The following CFAP20DC variants were observed in gnomAD, a reference collection of about 807,000 sequenced individuals.
The protein encoded by CFAP20DC is CFAP20 domain containing, also known as protein CFAP20DC.
A neutral mutation model predicts 101.7 loss-of-function variants in CFAP20DC; 84 were observed. The ratio of observed to expected loss-of-function variants is 0.83; its 90% CI spans 0.69 to 0.99. The LOEUF is 0.99. Ranked by LOEUF, CFAP20DC falls within the 50% of genes least tolerant of loss-of-function variation. CFAP20DC has a pLI of 0.00. For synonymous variants in CFAP20DC, 359 were observed against 351.2 expected, an observed-to-expected ratio of 1.02 and a Z score of -0.25; for missense variants, 1,007 against 970.3, an observed-to-expected ratio of 1.04 and a Z score of -0.50.
chr3:58,937,654 A>G lies in CFAP20DC; in HGVS notation c.387T>C (p.Arg129=), dbSNP rs749927587. The G allele has an allele frequency of 1.3e-6, 2 of 1,578,750 alleles. No individual in the cohort carries two copies. The highest frequency in any genetic ancestry group is 4.5e-5 in the East Asian group (2 of 44,650). Reference sequence around the variant, plus strand: ...ACATTCATGTGATACTTACAATTTTACGTTTGATCATGAAGAGTGGAATTT... The same window carrying G: ...ACATTCATGTGATACTTACAATTTTGCGTTTGATCATGAAGAGTGGAATTT... ...HAKIPLFMIK[R]KIWCNLCIDL... Residue 129 remains arginine, a synonymous_variant, in exon 5 of 17, where the codon CGT becomes CGC. Coordinates refer to ENST00000482387, the MANE Select transcript of CFAP20DC (RefSeq NM_001394063.1).
At position 58,882,641 on chromosome 3, in the gene CFAP20DC, T is replaced by C. The variant is rs745602767; in HGVS notation, c.715+1904A>G. Among the ~76,000 whole-genome samples the C allele has an allele frequency of 3.9e-5, 6 of 152,218 alleles. No homozygotes were observed. The highest frequency in any genetic ancestry group is 4.4e-5 in the Non-Finnish European group (3 of 68,038). ...ACCCAAAGTGTTTACAGTAGCTGTC[T>C]GGGTAGTCAGATCTTTTTAATCCTT... On this transcript the variant is annotated intron_variant, in intron 7 of 16. Transcript: ENST00000482387. The surrounding 1 kb of genome is among the most constrained non-coding windows in gnomAD (Gnocchi z 4.2).
chr3:58,784,132 A>G (rs1246464259), intron 15 of CFAP20DC, among the ~76,000 whole-genome samples: 2 of 151,344 alleles, frequency 1.3e-5, no homozygotes, highest in African/African-American at 4.9e-5. Context: ...TTTTATGTCC[A>G]TGGGTATCCA....
intron 3 of CFAP20DC, among the ~76,000 whole-genome samples, chr3:58,735,430 A>G (rs552735243): frequency 6.6e-6 from 1 of 152,362 alleles, no homozygotes; most frequent in African/African-American, 2.4e-5. Context: ...AATGAAATCC[A>G]TCAAGTGATG....
intron 5 of CFAP20DC, among the ~76,000 whole-genome samples, chr3:58,930,220 C>G (rs375328816): frequency 1.4e-3 from 208 of 152,268 alleles, no homozygotes; most frequent in African/African-American, 4.7e-3. Context: ...GCTTCACATC[C>G]ATTCCTCCAC....
chr3:59,004,886 C>A (rs1165262971), intron 4 of CFAP20DC, among the ~76,000 whole-genome samples: 1 of 152,166 alleles, frequency 6.6e-6, no homozygotes, highest in Non-Finnish European at 1.5e-5. Context: ...ACATCTAGTT[C>A]TAGGCCAGAG....
chr3:58,815,342 T>C (rs1315227484), intron 14 of CFAP20DC, among the ~76,000 whole-genome samples: 12 of 147,560 alleles, frequency 8.1e-5, no homozygotes, highest in Middle Eastern at 3.6e-3. Flanking sequence ...CCTTACACCT[T>C]ATACAAAAAT....
intron 6 of CFAP20DC, among the ~76,000 whole-genome samples, chr3:58,907,956 C>T (rs553753815): frequency 6.6e-6 from 1 of 152,148 alleles, no homozygotes; most frequent in African/African-American, 2.4e-5. Flanking sequence ...GGTTTCTTTT[C>T]AGGCCTTCCA....
intron 6 of CFAP20DC, among the ~76,000 whole-genome samples, chr3:58,896,672 T>C (rs370789727): frequency 1.3e-5 from 2 of 152,234 alleles, no homozygotes; most frequent in East Asian, 3.8e-4. Flanking sequence ...GGTTGTTCAA[T>C]TTCCAAGTAC....
chr3:58,981,030 G>A (rs1021123874), intron 4 of CFAP20DC, among the ~76,000 whole-genome samples: 6 of 152,166 alleles, frequency 3.9e-5, no homozygotes, highest in Admixed American at 6.5e-5. Flanking sequence ...AAATCAATGT[G>A]CAAAAATCAC....
At chr3:58,878,392 A>G (rs2080936452) in intron 7 of CFAP20DC, among the ~76,000 whole-genome samples, 1 of 152,210 alleles carries the variant, frequency 6.6e-6, no homozygotes, top group Admixed American at 6.5e-5. Context: ...AAGTTAGGAT[A>G]TTTAGACAAG....
intron 14 of CFAP20DC, among the ~76,000 whole-genome samples, chr3:58,822,139 C>A (rs1385406441): frequency 1.2e-5 from 1 of 81,402 alleles, no homozygotes; most frequent in Admixed American, 1.9e-4. Flanking sequence ...ACTCTGGGGA[C>A]TGTTGTGGGG....
At chr3:58,815,733 T>A (rs1177224547) in intron 14 of CFAP20DC, among the ~76,000 whole-genome samples, 9 of 150,664 alleles carry the variant, frequency 6.0e-5, no homozygotes, top group Non-Finnish European at 1.0e-4. Context: ...AGAAGACATT[T>A]ATGCAGCCAA....
chr3:58,891,933 A>C (rs1307247333), intron 6 of CFAP20DC, among the ~76,000 whole-genome samples: 1 of 151,906 alleles, frequency 6.6e-6, no homozygotes, highest in African/African-American at 2.4e-5. Context: ...TGTCCTGAAT[A>C]CCCAGATTTT....
At position 58,947,273 on chromosome 3, in the gene CFAP20DC, C is replaced by T. The variant is rs180911447; in HGVS notation, c.279-9511G>A. ...AGCCAAAACTCCCTGTAAACATGAG[C>T]GAACTTCCCTGGCAAATGCACCAGT... On this transcript the variant is annotated intron_variant, in intron 4 of 16. Coordinates refer to ENST00000482387, the MANE Select transcript of CFAP20DC (RefSeq NM_001394063.1). 5.9e-5 allele frequency among the ~76,000 whole-genome samples: 9 copies of T among 152,256 alleles called. No individual in the cohort carries two copies. The East Asian group carries it at 7.7e-4, about 13-fold the overall frequency.
chr3:58,782,931 C>T (rs186152650), intron 15 of CFAP20DC, among the ~76,000 whole-genome samples: 25 of 151,774 alleles, frequency 1.6e-4, no homozygotes, highest in Admixed American at 3.9e-4. Flanking sequence ...TATTCAGCCA[C>T]GTAAGAACCT....
At chr3:58,956,975 C>A (rs996593206) in intron 4 of CFAP20DC, among the ~76,000 whole-genome samples, 3 of 152,110 alleles carry the variant, frequency 2.0e-5, no homozygotes, top group Admixed American at 1.3e-4. Flanking sequence ...TCCCACAACA[C>A]AAGGGGATTA....
chr3:58,724,631 C>T lies in CFAP20DC; in HGVS notation c.198-7003G>A, dbSNP rs956879045. Among the ~76,000 whole-genome samples, 4 of 152,204 alleles carry T rather than the reference C, an allele frequency of 2.6e-5. No homozygotes were observed. Among genetic ancestry groups the T allele is most frequent in the East Asian group, 1.9e-4 (1 of 5,196 alleles). On this transcript the variant is annotated intron_variant, in intron 3 of 3. Transcript: ENST00000486145. The surrounding 1 kb of genome is among the most constrained non-coding windows in gnomAD (Gnocchi z 5.6). Reference sequence around the variant, plus strand: ...ACGCACTGCCACCCTTTCACTGTTTCGCCCGGAACATCTGCTTCTTAGATC... The same window carrying T: ...ACGCACTGCCACCCTTTCACTGTTTTGCCCGGAACATCTGCTTCTTAGATC...
intron 15 of CFAP20DC, among the ~76,000 whole-genome samples, chr3:58,758,069 C>A (rs916167825): frequency 3.3e-5 from 5 of 152,086 alleles, no homozygotes; most frequent in Non-Finnish European, 7.4e-5. Flanking sequence ...ACTGTTACAT[C>A]TTTTGGGACC....
At chr3:58,876,093 T>G (rs1406005946) in intron 7 of CFAP20DC, among the ~76,000 whole-genome samples, 1 of 152,146 alleles carries the variant, frequency 6.6e-6, no homozygotes, top group Non-Finnish European at 1.5e-5. Flanking sequence ...TTTTGCACAT[T>G]TGGTACACTT....
Sources: allele counts gnomAD v4.1 joint callset (sites outside exome capture counted in the v4.1 genomes callset), GRCh38; gene constraint gnomAD v4.1.1; non-coding constraint Gnocchi (gnomAD v3.1); transcripts MANE v1.5; gene names NCBI Gene and HGNC (gene_info 2026-07-23, HGNC 2026-07-21).